Variants in DCAF5 observed in about 807,000 individuals in gnomAD.
DCAF5 encodes the protein DDB1 and CUL4 associated factor 5, also known as DDB1- and CUL4-associated factor 5.
In DCAF5, 9 loss-of-function variants were observed where a neutral mutation model predicts 80.7. The ratio of observed to expected loss-of-function variants is 0.11; its 90% CI spans 0.07 to 0.19. The LOEUF (loss-of-function observed/expected upper bound fraction) is 0.19, where lower values mean the gene tolerates loss of function less well. Ranked by LOEUF, DCAF5 falls within the 10% of genes least tolerant of loss-of-function variation. The probability of loss-of-function intolerance (pLI) is 1.00; values close to 1 mark genes in which losing one functional copy is unlikely to be tolerated. For missense variants in DCAF5, 842 were observed against 1,205.7 expected, an observed-to-expected ratio of 0.70 and a Z score of 4.47; for synonymous variants, 433 against 461.9, an observed-to-expected ratio of 0.94 and a Z score of 0.80.
chr14:69,102,533 A>G (rs1344877430), intron 5 of DCAF5, among the ~76,000 whole-genome samples: 1 of 147,634 alleles, frequency 6.8e-6, no homozygotes, highest in Non-Finnish European at 1.5e-5. Flanking sequence ...CCTTCTTTAT[A>G]TCCTTATTCT....
In DCAF5 at chr14:69,122,208, C is replaced by T; in HGVS notation, c.358+9G>A. 2 of 1,610,618 alleles carry T rather than the reference C, an allele frequency of 1.2e-6. No individual in the cohort carries two copies. The highest frequency in any genetic ancestry group is 1.7e-6 in the Non-Finnish European group (2 of 1,177,216). On this transcript the variant is annotated intron_variant, in intron 2 of 8. Coordinates refer to ENST00000341516, the MANE Select transcript of DCAF5 (RefSeq NM_003861.3). ...AGTGACGTTCCCAAGGTAGAATCTC[C>T]CTTTTTACCTCCAGAGAACACTTTA...
At chr14:69,086,411 T>A (rs980243292) in intron 6 of DCAF5, among the ~76,000 whole-genome samples, 1 of 150,848 alleles carries the variant, frequency 6.6e-6, no homozygotes, top group East Asian at 1.9e-4. Flanking sequence ...GATATGAAAA[T>A]GCTTTACAAG....
chr14:69,135,552 G>C (rs537486185), intron 1 of DCAF5, among the ~76,000 whole-genome samples: 3 of 152,188 alleles, frequency 2.0e-5, no homozygotes, highest in African/African-American at 4.8e-5. Context: ...ATTTTTACTT[G>C]AAATTACTGA....
chr14:69,079,341 G>C (rs2039015748), intron 6 of DCAF5, among the ~76,000 whole-genome samples: 1 of 152,164 alleles, frequency 6.6e-6, no homozygotes, highest in Admixed American at 6.6e-5. Context: ...CCTAAAATAT[G>C]CAGAAAATGC....
intron 8 of DCAF5, among the ~76,000 whole-genome samples, chr14:69,057,813 T>G (rs914352948): frequency 6.6e-6 from 1 of 152,124 alleles, no homozygotes; most frequent in Non-Finnish European, 1.5e-5. Context: ...AATCCTAAGA[T>G]TCAGAGCAAA....
Position 69,121,629 on chromosome 14 carries a change from G to A in DCAF5, c.358+588C>T, listed in dbSNP as rs752710014. Among the ~76,000 whole-genome samples, 7 of 152,178 alleles carry A rather than the reference G, an allele frequency of 4.6e-5. No homozygotes were observed. The South Asian group carries it at 8.3e-4, about 18-fold the overall frequency. ...GTTTTAGATCTATTGTATTTAAGTT[G>A]CTTTTGGAACACAGGTAGATATCCA... On this transcript the variant is annotated intron_variant, in intron 2 of 8. Transcript: ENST00000341516.
intron 1 of DCAF5, among the ~76,000 whole-genome samples, chr14:69,148,118 A>T (rs1234457477): frequency 2.0e-5 from 3 of 152,078 alleles, no homozygotes; most frequent in Non-Finnish European, 4.4e-5. Flanking sequence ...AAAAAAAAAA[A>T]AAACTTTAAA....
intron 6 of DCAF5, among the ~76,000 whole-genome samples, chr14:69,086,564 G>A (rs76334799): frequency 0.025 from 3,738 of 148,734 alleles, 89 homozygotes; most frequent in Non-Finnish European, 0.031. Context: ...AGATAAAGGA[G>A]AACATATGGC....
rs376931043 is a variant in DCAF5, at chr14:69,054,178, G to A, written c.2508C>T (p.Arg836=). The A allele has an allele frequency of 2.4e-5, 38 of 1,614,248 alleles. No individual in the cohort carries two copies. Among genetic ancestry groups the A allele is most frequent in the Non-Finnish European group, 2.5e-5 (30 of 1,180,038 alleles). Residue 836 remains arginine, a synonymous_variant, in exon 9 of 9, where the codon CGC becomes CGT. Transcript: ENST00000341516. ...ETICANHNNG[R]LHPRPPHPHN... is the part of the protein sequence containing the mutation. ...GAGGGTGAGGGGGACGAGGGTGTAA[G>A]CGTCCATTGTTGTGGTTGGCACAGA...
chr14:69,109,307 C>G (rs1216092743), intron 5 of DCAF5, among the ~76,000 whole-genome samples: 19 of 150,098 alleles, frequency 1.3e-4, no homozygotes. Context: ...TCGCGCCACT[C>G]TAGCCTGGGA....
chr14:69,078,845 T>G, intron 6 of DCAF5, among the ~76,000 whole-genome samples: 1 of 152,172 alleles, frequency 6.6e-6, no homozygotes. Flanking sequence ...TACACAACAA[T>G]GTAAATGTAC....
intron 1 of DCAF5, among the ~76,000 whole-genome samples, chr14:69,139,994 G>T (rs757020730): frequency 4.3e-4 from 65 of 151,904 alleles, no homozygotes; most frequent in Non-Finnish European, 9.3e-4. Flanking sequence ...GAGAGGCCAG[G>T]CGCAGTGGCT....
At chr14:69,082,742 A>T (rs1341324213) in intron 6 of DCAF5, among the ~76,000 whole-genome samples, 1 of 152,222 alleles carries the variant, frequency 6.6e-6, no homozygotes, top group Admixed American at 6.5e-5. Flanking sequence ...TATACTCTTC[A>T]TTCAAGCAAA....
intron 6 of DCAF5, among the ~76,000 whole-genome samples, chr14:69,082,214 G>A (rs1429650611): frequency 6.6e-6 from 1 of 152,108 alleles, no homozygotes; most frequent in African/African-American, 2.4e-5. Context: ...ACCAACCAAA[G>A]CAATCAGAGC....
At chr14:69,063,732 C>T (rs1019980647) in intron 7 of DCAF5, among the ~76,000 whole-genome samples, 1 of 152,160 alleles carries the variant, frequency 6.6e-6, no homozygotes, top group African/African-American at 2.4e-5. Flanking sequence ...CTGCTTTTGG[C>T]CCCCTAACAC....
intron 4 of DCAF5, among the ~76,000 whole-genome samples, chr14:69,117,305 A>C (rs576520305): frequency 1.3e-5 from 2 of 152,342 alleles, no homozygotes; most frequent in South Asian, 4.1e-4. Flanking sequence ...ACTTCGTGCT[A>C]CCTTACCTGC....
At chr14:69,141,981 C>G (rs891811603) in intron 1 of DCAF5, among the ~76,000 whole-genome samples, 1 of 151,992 alleles carries the variant, frequency 6.6e-6, no homozygotes, top group African/African-American at 2.4e-5. Flanking sequence ...CTCTGTATCC[C>G]GAGAGGTATA....
chr14:69,069,364 G>A (rs1305461022), intron 7 of DCAF5, among the ~76,000 whole-genome samples: 2 of 152,202 alleles, frequency 1.3e-5, no homozygotes, highest in Non-Finnish European at 2.9e-5. Context: ...CTTCATGCAA[G>A]AACAACTCAA....
At chr14:69,063,351 A>C (rs1418009675) in intron 7 of DCAF5, among the ~76,000 whole-genome samples, 1 of 152,260 alleles carries the variant, frequency 6.6e-6, no homozygotes, top group East Asian at 1.9e-4. Context: ...CTGCACTGGT[A>C]ATGGTATCAC....
Sources: gnomAD v4.1 joint callset for allele counts (sites outside exome capture counted in the v4.1 genomes callset) on GRCh38, gnomAD v4.1.1 for gene constraint, MANE v1.5 for transcripts, NCBI Gene and HGNC (gene_info 2026-07-23, HGNC 2026-07-21) for gene names.